RABGEF1: variants seen among roughly 807,000 people sequenced by gnomAD.
RABGEF1 encodes the protein rab5 GDP/GTP exchange factor.
Under a neutral mutation model 57.3 loss-of-function variants are expected in RABGEF1, and 26 were observed. The ratio of observed to expected loss-of-function variants is 0.45; its 90% CI spans 0.33 to 0.63. The LOEUF is 0.63. Among genes scored for constraint, RABGEF1 ranks in the 20% least tolerant of loss-of-function variants. The pLI, the probability that RABGEF1 is intolerant of heterozygous loss-of-function variation, is 0.02. For missense variants in RABGEF1, 464 were observed against 607.6 expected, an observed-to-expected ratio of 0.76 and a Z score of 2.48; for synonymous variants, 185 against 210.7, an observed-to-expected ratio of 0.88 and a Z score of 1.06.
intron 5 of RABGEF1, chr7:66,797,040 C>A: frequency 2.7e-6 from 1 of 365,612 alleles, no homozygotes; most frequent in Non-Finnish European, 5.2e-6. Context: ...TGGCTCACAC[C>A]TATAAACCTA....
At chr7:66,676,316 T>C in the RABGEF1 span, among the ~76,000 whole-genome samples, 15,802 of 151,988 alleles carry the variant, frequency 0.1, 933 homozygotes, top group Non-Finnish European at 0.11. Flanking sequence ...GATTTGCAAA[T>C]AGAATCATCT....
chr7:66,746,873 A>G (rs1164001188), intron 1 of RABGEF1, among the ~76,000 whole-genome samples: 1 of 151,620 alleles, frequency 6.6e-6, no homozygotes, highest in Non-Finnish European at 1.5e-5. Flanking sequence ...GCTTACTACA[A>G]CCTCTGCCTC....
At chr7:66,766,447 A>T (rs1805731041) in intron 1 of RABGEF1, among the ~76,000 whole-genome samples, 1 of 152,092 alleles carries the variant, frequency 6.6e-6, no homozygotes, top group Admixed American at 6.5e-5. Context: ...AAAACATTCT[A>T]GGACTCTATT....
At chr7:66,778,661 T>G (rs1156852144) in intron 3 of RABGEF1, among the ~76,000 whole-genome samples, 1 of 152,126 alleles carries the variant, frequency 6.6e-6, no homozygotes, top group Non-Finnish European at 1.5e-5. Flanking sequence ...CTATTATTCA[T>G]TAAAGTGAAT....
In RABGEF1 at chr7:66,810,501, G is replaced by A. The variant is rs547502779; in HGVS notation, c.*1217G>A. 3.9e-5 allele frequency: 6 copies of A among 152,270 alleles called. 1 individual carries two copies. The highest frequency in any genetic ancestry group is 1.3e-4 in the Admixed American group (2 of 15,294). The allele number at this position is 152,270 out of a possible 1,614,324, so 9.4% of individuals were successfully genotyped here. A position where few individuals can be genotyped will look rare whatever the true frequency, so the allele number is the denominator to read the frequency against. On this transcript the variant is annotated 3_prime_UTR_variant, in exon 9 of 9. Transcript: ENST00000284957. ...ACAAACCAGGAGTTATCCTCCTGGT[G>A]GTTAATATGGTGTAACCAAAGAATC...
chr7:66,787,361 T>TA (rs71049481), intron 4 of RABGEF1, among the ~76,000 whole-genome samples: 1 of 124,552 alleles, frequency 8.0e-6, no homozygotes, highest in Non-Finnish European at 1.7e-5. Flanking sequence ...TTTTTTTTTT[T>TA]AAGATAGAGT....
At chr7:66,798,161 C>T (rs1010166463) in intron 6 of RABGEF1, among the ~76,000 whole-genome samples, 6 of 152,118 alleles carry the variant, frequency 3.9e-5, no homozygotes, top group Non-Finnish European at 8.8e-5. Context: ...TCATTCCTCC[C>T]AGGGGTGTGC....
Position 66,810,187 on chromosome 7 carries a change from GGC to G in RABGEF1, c.*906_*907del, listed in dbSNP as rs1189985959. 2.6e-5 allele frequency: 4 copies of G among 152,250 alleles called. 1 individual carries two copies. The highest frequency in any genetic ancestry group is 4.1e-4 in the South Asian group (2 of 4,822). 9.4% of individuals were successfully genotyped at this position (152,250 alleles called of 1,614,324 possible). On this transcript the variant is annotated 3_prime_UTR_variant, in exon 9 of 9. Transcript: ENST00000284957. ...GGTCCCTCAGCTGTGAGATGCAAGG[GGC>G]GCCTTGCAGCCTCCATAATATACAT...
the RABGEF1 span, among the ~76,000 whole-genome samples, chr7:66,657,994 A>G: frequency 6.6e-6 from 1 of 152,178 alleles, no homozygotes; most frequent in Non-Finnish European, 1.5e-5. Flanking sequence ...GATAAAATTA[A>G]AAGTTTTTTT....
At chr7:66,661,457 TAAAG>T in the RABGEF1 span, among the ~76,000 whole-genome samples, 3 of 150,540 alleles carry the variant, frequency 2.0e-5, no homozygotes, top group Non-Finnish European at 4.4e-5. Context: ...GAATCACAAA[TAAAG>T]AAAAAATATC....
chr7:66,755,689 G>A (rs867967228), intron 1 of RABGEF1, among the ~76,000 whole-genome samples: 11 of 152,270 alleles, frequency 7.2e-5, no homozygotes, highest in Non-Finnish European at 1.5e-4. Flanking sequence ...TATCTTGTAT[G>A]TAATTTTGAG....
At chr7:66,718,728 T>C (rs772392964) in intron 2 of RABGEF1, among the ~76,000 whole-genome samples, 6 of 151,992 alleles carry the variant, frequency 3.9e-5, no homozygotes, top group Non-Finnish European at 5.9e-5. Flanking sequence ...ACCTGGGGAG[T>C]GGTCCATCCT....
the RABGEF1 span, among the ~76,000 whole-genome samples, chr7:66,662,292 C>G: frequency 6.6e-6 from 1 of 151,598 alleles, no homozygotes; most frequent in South Asian, 2.1e-4. Flanking sequence ...CATAGCGAAA[C>G]CCCATCTCTA....
chr7:66,746,790 A>AT (rs35168631), intron 1 of RABGEF1, among the ~76,000 whole-genome samples: 51,373 of 145,296 alleles, frequency 0.35, 9,086 homozygotes, highest in South Asian at 0.49. Flanking sequence ...CGTCCGGCTA[A>AT]TTTTTTTTTT....
At chr7:66,802,858 T>G (rs1787602270) in intron 7 of RABGEF1, among the ~76,000 whole-genome samples, 1 of 152,098 alleles carries the variant, frequency 6.6e-6, no homozygotes. Context: ...TTACTCGCTT[T>G]CAAAATGTCA....
intron 2 of RABGEF1, among the ~76,000 whole-genome samples, chr7:66,773,350 G>A (rs1807681567): frequency 6.6e-6 from 1 of 152,158 alleles, no homozygotes; most frequent in Non-Finnish European, 1.5e-5. Flanking sequence ...ACATAAAAAT[G>A]TCCTAGTACC....
intron 2 of RABGEF1, among the ~76,000 whole-genome samples, chr7:66,720,133 C>T (rs1288988966): frequency 6.6e-6 from 1 of 150,830 alleles, no homozygotes; most frequent in East Asian, 1.9e-4. Context: ...TCAATACTTG[C>T]AGAAAAGAAG....
Position 66,695,953 on chromosome 7 carries a change from G to A in RABGEF1, c.-873+13695G>A, listed in dbSNP as rs10262479. The stretch of plus-strand genomic sequence containing the variant: ...CGTACTTCAGCGTGGGTAACAAAGC[G>A]AGACTGTCTCAAAAAAAAAAAAATA... On this transcript the variant is annotated intron_variant and NMD_transcript_variant, in intron 1 of 9. Coordinates refer to the RABGEF1 transcript ENST00000607882. Among the ~76,000 whole-genome samples the A allele has an allele frequency of 1.2e-3, 167 of 141,276 alleles. 2 individuals carry two copies. The highest frequency in any genetic ancestry group is 3.9e-3 in the African/African-American group (154 of 39,606). 92.7% of individuals were successfully genotyped at this position (141,276 alleles called of 152,430 possible).
intron 2 of RABGEF1, among the ~76,000 whole-genome samples, chr7:66,732,708 T>G (rs1210170042): frequency 6.6e-6 from 1 of 151,994 alleles, no homozygotes; most frequent in Non-Finnish European, 1.5e-5. Context: ...TCTCTCTCTC[T>G]CGCTCACTCT....
Sources: gnomAD v4.1 joint callset for allele counts (sites outside exome capture counted in the v4.1 genomes callset) on GRCh38, gnomAD v4.1.1 for gene constraint, MANE v1.5 for transcripts, NCBI Gene and HGNC (gene_info 2026-07-23, HGNC 2026-07-21) for gene names.